Variants in THG1L observed in about 807,000 individuals in gnomAD.
The protein encoded by THG1L is probable tRNA(His) guanylyltransferase.
In THG1L, 27 loss-of-function variants were observed where a neutral mutation model predicts 35.2. The ratio of observed to expected loss-of-function variants is 0.77; its 90% CI spans 0.57 to 1.06. The LOEUF (loss-of-function observed/expected upper bound fraction) is 1.06. Ranked by LOEUF, THG1L falls within the 50% of genes least tolerant of loss-of-function variation. The pLI is 0.00. For missense variants in THG1L, 377 were observed against 371.8 expected (o/e 1.01, Z -0.12); for synonymous variants, 135 against 132.4 (o/e 1.02, Z -0.14).
chr5:157,739,297 T>A (rs761996667), intron 5 of THG1L, 24 bp from the exon 6 acceptor site: 108 of 1,608,408 alleles, frequency 6.7e-5, no homozygotes, highest in Non-Finnish European at 8.9e-5. Flanking sequence ...CTTAACAATG[T>A]CACTACTTTA....
chr5:157,733,242 C>G (rs917449705), intron 2 of THG1L, among the ~76,000 whole-genome samples, 198 bp downstream of exon 2: 1 of 152,146 alleles, frequency 6.6e-6, no homozygotes, highest in African/African-American at 2.4e-5. Context: ...TTATCTGATT[C>G]TTTCCCCACA....
chr5:157,734,013 A>G (rs1001598555), intron 2 of THG1L, among the ~76,000 whole-genome samples: 2 of 152,186 alleles, frequency 1.3e-5, no homozygotes, highest in African/African-American at 4.8e-5. Context: ...TGAATCATAA[A>G]TTCGTATCAC....
chr5:157,736,620 A>T (rs1385369609), intron 4 of THG1L, among the ~76,000 whole-genome samples: 2 of 152,118 alleles, frequency 1.3e-5, no homozygotes, highest in Non-Finnish European at 2.9e-5. Context: ...CCTGCTGGGC[A>T]CCTGTAGTTT....
At chr5:157,737,817 C>T (rs1185713734) in intron 4 of THG1L, 70 bp from the exon 5 acceptor site, 38 of 1,221,614 alleles carry the variant, frequency 3.1e-5, no homozygotes, top group Non-Finnish European at 4.0e-5. Context: ...GGTTGTGGGT[C>T]GAATGGATAG....
chr5:157,737,268 G>A (rs1023786204), intron 4 of THG1L, among the ~76,000 whole-genome samples: 3 of 152,154 alleles, frequency 2.0e-5, no homozygotes, highest in Middle Eastern at 3.4e-3. Flanking sequence ...AAGGTAGGTG[G>A]ATCACCTGAC....
Position 157,740,902 on chromosome 5 carries a change from CA to C in THG1L, c.*1436del, listed in dbSNP as rs376120882. 2.7e-3 allele frequency: 317 copies of C among 116,540 alleles called. No homozygotes were observed. Among genetic ancestry groups the C allele is most frequent in the African/African-American group, 6.0e-3 (182 of 30,302 alleles). The allele number at this position is 116,540 out of a possible 1,614,324, so 7.2% of individuals were successfully genotyped here. A position where few individuals can be genotyped will look rare whatever the true frequency, so the allele number is the denominator to read the frequency against. On this transcript the variant is annotated 3_prime_UTR_variant, in exon 6 of 6. Transcript: ENST00000231198. The stretch of plus-strand genomic sequence containing the variant: ...CTGGGCAACGAGCGAAACTACATCT[CA>C]AAAAAAAAAAAAAAAGACATGGCTG...
At position 157,738,518 on chromosome 5, in the gene THG1L, T is replaced by G. The variant is rs146582285; in HGVS notation, c.735+524T>G. On this transcript the variant is annotated intron_variant, in intron 5 of 5. Transcript: ENST00000231198. Reference sequence around the variant, plus strand: ...ACCTATATCCTTAATTTTACCAATATTTTCTCTCTGTACCAGCTGTTAGGC... The same window carrying G: ...ACCTATATCCTTAATTTTACCAATAGTTTCTCTCTGTACCAGCTGTTAGGC... The G allele has an allele frequency of 1.5e-3, 550 of 373,110 alleles. 4 individuals are homozygous for G. Among genetic ancestry groups the G allele is most frequent in the African/African-American group, 0.011 (514 of 46,048 alleles). The allele number at this position is 373,110 out of a possible 1,614,324, so 23.1% of individuals were successfully genotyped here.
Position 157,735,943 on chromosome 5 carries a change from A to G in THG1L, c.627+9A>G, listed in dbSNP as rs781507428. 1 of 1,557,994 alleles carries G rather than the reference A, an allele frequency of 6.4e-7. No homozygotes were observed. The highest frequency in any genetic ancestry group is 1.4e-5 in the African/African-American group (1 of 72,880). ...CCCAAGGGAGATTACAGGTATAAAG[A>G]TCTTACTACATTAATACTTAACTGG... On this transcript the variant is annotated intron_variant, in intron 4 of 5. Transcript: ENST00000231198.
intron 2 of THG1L, 124 bp downstream of exon 2, chr5:157,733,168 A>G: frequency 1.8e-6 from 2 of 1,099,742 alleles, no homozygotes; most frequent in Admixed American, 2.4e-5. Flanking sequence ...TGCAGAGTAC[A>G]TGTATATTTC....
Position 157,741,056 on chromosome 5 carries a change from A to G in THG1L, c.*1574A>G, listed in dbSNP as rs1218737285. ...CCCAGTCTGTACTAAAAATAGAAAA[A>G]TTAGCTGGGCGTGGTGGCGTGTGCC... On this transcript the variant is annotated 3_prime_UTR_variant, in exon 6 of 6. Coordinates refer to ENST00000231198, the MANE Select transcript of THG1L (RefSeq NM_017872.5). 1.3e-5 allele frequency: 2 copies of G among 152,188 alleles called. No individual in the cohort carries two copies. The highest frequency in any genetic ancestry group is 4.8e-5 in the African/African-American group (2 of 41,416). 9.4% of individuals were successfully genotyped at this position (152,188 alleles called of 1,614,324 possible). A position where few individuals can be genotyped will look rare whatever the true frequency, so the allele number is the denominator to read the frequency against.
At chr5:157,735,978 G>A (rs372623363) in intron 4 of THG1L, 44 bp downstream of exon 4, 103 of 1,298,002 alleles carry the variant, frequency 7.9e-5, no homozygotes, top group East Asian at 5.5e-4. Context: ...GGGACAGTTC[G>A]CTGTAGGCTC....
In THG1L at chr5:157,741,329, C is replaced by G. The variant is rs1048316964; in HGVS notation, c.*1847C>G. On this transcript the variant is annotated 3_prime_UTR_variant, in exon 6 of 6. Coordinates refer to ENST00000231198, the MANE Select transcript of THG1L (RefSeq NM_017872.5). Reference sequence around the variant, plus strand: ...GCCTCATCCCTCACTAATTGACAACCCATCTGTCGATGCCATTTTTTCCCT... The same window carrying G: ...GCCTCATCCCTCACTAATTGACAACGCATCTGTCGATGCCATTTTTTCCCT... The G allele has an allele frequency of 2.6e-5, 4 of 152,168 alleles. No homozygotes were observed. Among genetic ancestry groups the G allele is most frequent in the Non-Finnish European group, 4.4e-5 (3 of 68,040 alleles). The allele number at this position is 152,168 out of a possible 1,614,324, so 9.4% of individuals were successfully genotyped here.
At position 157,735,866 on chromosome 5, in the gene THG1L, A is replaced by C; in HGVS notation, c.559A>C (p.Asn187His). 1 of 1,603,554 alleles carries C rather than the reference A, an allele frequency of 6.2e-7. No individual in the cohort carries two copies. Among genetic ancestry groups the C allele is most frequent in the Non-Finnish European group, 8.5e-7 (1 of 1,175,938 alleles). ...CACAGGTCACATCAATAATCTTTAT[A>C]ATACAGTTTTCTGGGCACTTATACA... ...QADCHINNLY[N>H]TVFWALIQQS... The change falls in exon 4 of 6, where the codon AAT becomes CAT. Residue 187 changes from asparagine to histidine, a missense_variant. Physicochemically the swap from Asn to His is moderately conservative, Grantham distance 68. Coordinates refer to ENST00000231198, the MANE Select transcript of THG1L (RefSeq NM_017872.5).
chr5:157,732,586 TCTC>T (rs1287438530), intron 1 of THG1L, among the ~76,000 whole-genome samples: 1 of 152,186 alleles, frequency 6.6e-6, no homozygotes, highest in Non-Finnish European at 1.5e-5. Context: ...ACTTTTATCT[TCTC>T]CCTAATCTTC....
At position 157,731,648 on chromosome 5, in the gene THG1L, C is replaced by T. The variant is rs200827471; in HGVS notation, c.191+17C>T. Reference sequence around the variant, plus strand: ...TTTCCATCGGTGAGCGAGCTCGACTCGGGGCGTCGCGATGCGCCAGCGCTT... The same window carrying T: ...TTTCCATCGGTGAGCGAGCTCGACTTGGGGCGTCGCGATGCGCCAGCGCTT... On this transcript the variant is annotated intron_variant, in intron 1 of 5. Coordinates refer to ENST00000231198, the MANE Select transcript of THG1L (RefSeq NM_017872.5). The T allele has an allele frequency of 5.1e-5, 81 of 1,577,960 alleles. No homozygotes were observed. In the South Asian group the frequency reaches 6.7e-4, roughly 13 times the overall value.
rs201521665 is a variant in THG1L at position 157,734,697 on chromosome 5, C to A, written c.490C>A (p.Pro164Thr). 1.2e-6 allele frequency: 2 copies of A among 1,614,100 alleles called. No individual in the cohort carries two copies. The highest frequency in any genetic ancestry group is 2.7e-5 in the African/African-American group (2 of 75,002). The change falls in exon 3 of 6, where the codon CCC (proline) becomes ACC (threonine). Residue 164 changes from proline (P) to threonine (T), a missense_variant. Physicochemically the swap from Pro to Thr is conservative, Grantham distance 38 (BLOSUM62 -1). Coordinates refer to ENST00000231198, the MANE Select transcript of THG1L (RefSeq NM_017872.5). Reference sequence around the variant, plus strand: ...CTTTGACGGAAGAGTCGTGGTGTATCCCAGCAACCAGACTTTAAAGGACTA... The same window carrying A: ...CTTTGACGGAAGAGTCGTGGTGTATACCAGCAACCAGACTTTAAAGGACTA... ...PGFDGRVVVY[P>T]SNQTLKDYLS...
At position 157,739,432 on chromosome 5, in the gene THG1L, G is replaced by A. The variant is rs549907867; in HGVS notation, c.847G>A (p.Gly283Arg). ...KPVPLHCDII[G>R]DAFWKEHPEI... ...AGTGCCCTTGCACTGCGATATCATC[G>A]GGGATGCTTTCTGGAAGGAACATCC... Residue 283 changes from glycine to arginine, a missense_variant, in exon 6 of 6, where the codon GGG becomes AGG. Physicochemically the swap from Gly to Arg is moderately radical, Grantham distance 125. Transcript: ENST00000231198. 7.6e-5 allele frequency: 122 copies of A among 1,613,644 alleles called. No homozygotes were observed. Among genetic ancestry groups the A allele is most frequent in the South Asian group, 3.8e-4 (35 of 90,956 alleles).
At chr5:157,738,703 C>T (rs2113049460) in intron 5 of THG1L, 1 of 413,050 alleles carries the variant, frequency 2.4e-6, no homozygotes. Context: ...TTCTTTGGTA[C>T]AGACTTGGAT....
intron 1 of THG1L, among the ~76,000 whole-genome samples, chr5:157,731,975 A>G (rs933398896): frequency 5.3e-5 from 8 of 152,218 alleles, no homozygotes; most frequent in African/African-American, 1.7e-4. Flanking sequence ...CTATTCTGTT[A>G]GATATCTTTG....
Sources: allele counts gnomAD v4.1 joint callset (sites outside exome capture counted in the v4.1 genomes callset), GRCh38; gene constraint gnomAD v4.1.1; transcripts MANE v1.5; gene names NCBI Gene and HGNC (gene_info 2026-07-23, HGNC 2026-07-21).